MSH3: variants seen among roughly 807,000 people sequenced by gnomAD.
The protein encoded by MSH3 is DNA mismatch repair protein Msh3.
In MSH3, 106 loss-of-function variants were observed where a neutral mutation model predicts 123.3. That is an observed-to-expected ratio of 0.86 (90% CI 0.73 to 1.01). The LOEUF is 1.01. Ranked by LOEUF, MSH3 falls within the 50% of genes least tolerant of loss-of-function variation. The pLI is 0.00. For synonymous variants in MSH3, 515 were observed against 481.4 expected (o/e 1.07, Z -0.91); for missense variants, 1,459 against 1,347.6 (o/e 1.08, Z -1.29).
At position 80,873,357 on chromosome 5, in the gene MSH3, C is replaced by T. The variant is rs6151929; in HGVS notation, c.3302+70C>T. ...CTAAGTTGTCCAAGAAAGAGAGGAG[C>T]GTCCTAAAAATGAACATCAGGTCTA... On this transcript the variant is annotated intron_variant, in intron 23 of 23. Coordinates refer to ENST00000265081, the MANE Select transcript of MSH3 (RefSeq NM_002439.5). 4,329 of 1,510,626 alleles carry T rather than the reference C, an allele frequency of 2.9e-3. 101 individuals carry two copies. In the African/African-American group the frequency reaches 0.053, roughly 19 times the overall value. The allele number at this position is 1,510,626 out of a possible 1,614,324, so 93.6% of individuals were successfully genotyped here.
At chr5:80,819,844 A>T (rs999807299) in intron 20 of MSH3, among the ~76,000 whole-genome samples, 2 of 152,180 alleles carry the variant, frequency 1.3e-5, no homozygotes, top group South Asian at 4.1e-4. Flanking sequence ...GACGTTAGGG[A>T]TACAAACCTG....
intron 17 of MSH3, among the ~76,000 whole-genome samples, chr5:80,785,764 G>A (rs1276309094): frequency 6.6e-6 from 1 of 152,068 alleles, no homozygotes; most frequent in Non-Finnish European, 1.5e-5. Context: ...ATGATAGACT[G>A]GATTAAGAAA....
intron 8 of MSH3, among the ~76,000 whole-genome samples, chr5:80,692,752 AGATAAATATACATACACATGTATATGTTT>A (rs1422472057): frequency 0.08 from 9,327 of 117,162 alleles, 575 homozygotes; most frequent in Non-Finnish European, 0.11. Context: ...GTATATGTTT[AGATAAATATACATACACATGTATATGTTT>A]GATAAATATA....
chr5:80,672,888 T>TAA (rs1270090753), intron 6 of MSH3, 30 bp downstream of exon 6: 3 of 1,484,854 alleles, frequency 2.0e-6, no homozygotes, highest in Admixed American at 1.7e-5. Flanking sequence ...GTTTTTCTCT[T>TAA]AAATGATACA....
At chr5:80,867,912 G>T (rs573371098) in intron 22 of MSH3, among the ~76,000 whole-genome samples, 1 of 152,118 alleles carries the variant, frequency 6.6e-6, no homozygotes, top group Non-Finnish European at 1.5e-5. Context: ...CTGTGCAAAA[G>T]CTTTATAGTT....
At chr5:80,658,338 C>T (rs886071555) in intron 2 of MSH3, among the ~76,000 whole-genome samples, 2 of 152,098 alleles carry the variant, frequency 1.3e-5, no homozygotes, top group Non-Finnish European at 2.9e-5. Context: ...GGATTACAGG[C>T]GTGAGCCACT....
intron 3 of MSH3, 100 bp from the exon 4 acceptor site, chr5:80,669,997 C>G (rs547671005): frequency 1.9e-4 from 205 of 1,054,908 alleles, no homozygotes; most frequent in Admixed American, 3.2e-4. Flanking sequence ...CATCTAGATT[C>G]ACTAAGTGTT....
chr5:80,751,736 A>T (rs1743844061), intron 12 of MSH3, among the ~76,000 whole-genome samples: 1 of 152,174 alleles, frequency 6.6e-6, no homozygotes. Flanking sequence ...TTCCATCTAC[A>T]ATAACCTTAT....
rs976119718 is a variant in MSH3, at chr5:80,654,775, A to T, written c.48A>T (p.Ser16=). Reference sequence around the variant, plus strand: ...CGGGCGGCCTCGCTGCCTCCAGCTCAGCCCCTGCGAGGCAAGCGGTTTTGA... The same window carrying T: ...CGGGCGGCCTCGCTGCCTCCAGCTCTGCCCCTGCGAGGCAAGCGGTTTTGA... ...PASGGLAASS[S]APARQAVLSR... Residue 16 remains serine, a synonymous_variant, in exon 1 of 24, where the codon TCA becomes TCT. Transcript: ENST00000265081. 6.2e-7 allele frequency: 1 copy of T among 1,606,454 alleles called. No individual in the cohort carries two copies. Among genetic ancestry groups the T allele is most frequent in the Admixed American group, 1.7e-5 (1 of 59,386 alleles).
At chr5:80,729,042 A>G (rs1561457916) in intron 10 of MSH3, 77 bp downstream of exon 10, 6 of 858,560 alleles carry the variant, frequency 7.0e-6, no homozygotes, top group African/African-American at 1.7e-5. Context: ...TGGTAGTACT[A>G]TACTTAGAGA....
intron 22 of MSH3, among the ~76,000 whole-genome samples, chr5:80,869,795 CATAT>C (rs565145010): frequency 2.3e-5 from 3 of 130,184 alleles, no homozygotes; most frequent in African/African-American, 9.0e-5. Context: ...TACATATATA[CATAT>C]ATATACATAT....
In MSH3 at chr5:80,728,861, T is replaced by G. The variant is rs1743352411; in HGVS notation, c.1464T>G (p.Ile488Met). ...TATTCTGTTTTCTAGGTTCTCAAAT[T>G]ATTTCTGGCATTGTTAACTTAGAGA... is the stretch of plus-strand genomic sequence containing the variant. The part of the protein sequence containing the change: ...KDTVDIKGSQ[I>M]ISGIVNLEKP... The change falls in exon 10 of 24, where the codon ATT becomes ATG. Residue 488 changes from isoleucine to methionine, a missense_variant. Coordinates refer to ENST00000265081, the MANE Select transcript of MSH3 (RefSeq NM_002439.5). 1 of 1,585,462 alleles carries G rather than the reference T, an allele frequency of 6.3e-7. No individual in the cohort carries two copies. The highest frequency in any genetic ancestry group is 8.7e-7 in the Non-Finnish European group (1 of 1,154,786).
At chr5:80,688,175 G>A (rs1750137825) in intron 8 of MSH3, among the ~76,000 whole-genome samples, 1 of 152,168 alleles carries the variant, frequency 6.6e-6, no homozygotes, top group African/African-American at 2.4e-5. Flanking sequence ...AATGTCCTGT[G>A]GTACCACAGT....
intron 22 of MSH3, among the ~76,000 whole-genome samples, chr5:80,872,005 T>A (rs1746222601): frequency 6.6e-6 from 1 of 152,136 alleles, no homozygotes; most frequent in South Asian, 2.1e-4. Flanking sequence ...GCCAGCAATC[T>A]TTCTGACAGC....
At chr5:80,672,015 A>G (rs1749735345) in intron 4 of MSH3, among the ~76,000 whole-genome samples, 1 of 152,214 alleles carries the variant, frequency 6.6e-6, no homozygotes, top group African/African-American at 2.4e-5. Flanking sequence ...TTTTATAGAT[A>G]CAGATGTTGA....
At chr5:80,826,103 A>C (rs1745294355) in intron 20 of MSH3, among the ~76,000 whole-genome samples, 1 of 152,226 alleles carries the variant, frequency 6.6e-6, no homozygotes, top group South Asian at 2.1e-4. Context: ...TTCTTAGAAC[A>C]GCTGCATCAG....
intron 6 of MSH3, among the ~76,000 whole-genome samples, chr5:80,674,194 G>A (rs1749784367): frequency 6.6e-6 from 1 of 152,064 alleles, no homozygotes; most frequent in Admixed American, 6.6e-5. Flanking sequence ...CCCCCTCCCT[G>A]CTTTTCCTTT....
chr5:80,667,009 A>G (rs1749588147), intron 3 of MSH3, among the ~76,000 whole-genome samples: 1 of 152,206 alleles, frequency 6.6e-6, no homozygotes, highest in Non-Finnish European at 1.5e-5. Flanking sequence ...TTACCCAGGT[A>G]TTAATATGTA....
chr5:80,749,223 A>T (rs1285272206), intron 12 of MSH3, among the ~76,000 whole-genome samples: 1 of 152,180 alleles, frequency 6.6e-6, no homozygotes, highest in Non-Finnish European at 1.5e-5. Context: ...GAATCCCAAA[A>T]CCTCAAAAGT....
Sources: allele counts gnomAD v4.1 joint callset (sites outside exome capture counted in the v4.1 genomes callset), GRCh38; gene constraint gnomAD v4.1.1; transcripts MANE v1.5; gene names NCBI Gene and HGNC (gene_info 2026-07-23, HGNC 2026-07-21).